LARP6: variants seen among roughly 807,000 people sequenced by gnomAD.
LARP6 encodes the protein La ribonucleoprotein 6, translational regulator, also known as la-related protein 6.
Under a neutral mutation model 32.8 loss-of-function variants are expected in LARP6, and 18 were observed. The ratio of observed to expected loss-of-function variants is 0.55; its 90% CI spans 0.38 to 0.81. The LOEUF (loss-of-function observed/expected upper bound fraction) is 0.81, where lower values mean the gene tolerates loss of function less well. Ranked by LOEUF, LARP6 falls within the 40% of genes least tolerant of loss-of-function variation. The pLI is 0.00. For synonymous variants in LARP6, 289 were observed against 267.2 expected, an observed-to-expected ratio of 1.08 and a Z score of -0.80; for missense variants, 598 against 663.1, an observed-to-expected ratio of 0.90 and a Z score of 1.08.
At chr15:70,842,007 T>C (rs2032267642) in intron 1 of LARP6, among the ~76,000 whole-genome samples, 1 of 152,116 alleles carries the variant, frequency 6.6e-6, no homozygotes, top group Non-Finnish European at 1.5e-5. Context: ...TTTCTGATTC[T>C]TCTCCCCATT....
chr15:70,851,295 TG>T (rs2032443547), intron 1 of LARP6: 1 of 234,114 alleles, frequency 4.3e-6, no homozygotes, highest in African/African-American at 2.3e-5. Flanking sequence ...ATCTAGATGA[TG>T]GGTATATGAA....
In LARP6 at chr15:70,831,915, T is replaced by G. The variant is rs2032046979; in HGVS notation, c.*137A>C. ...CGTACCGATTTATGTATATTACAGA[T>G]AGATAAATTAAGAGGTCTACATGAA... On this transcript the variant is annotated 3_prime_UTR_variant, in exon 3 of 3. Coordinates refer to ENST00000299213, the MANE Select transcript of LARP6 (RefSeq NM_018357.4). 1.7e-6 allele frequency: 1 copy of G among 593,422 alleles called. No individual in the cohort carries two copies. The highest frequency in any genetic ancestry group is 3.1e-5 in the Admixed American group (1 of 31,752). The allele number at this position is 593,422 out of a possible 1,614,324, so 36.8% of individuals were successfully genotyped here. A position where few individuals can be genotyped will look rare whatever the true frequency, so the allele number is the denominator to read the frequency against.
In LARP6 at chr15:70,831,783, A is replaced by G. The variant is rs780644124; in HGVS notation, c.*269T>C. 21 of 299,260 alleles carry G rather than the reference A, an allele frequency of 7.0e-5. 1 individual carries two copies. Among genetic ancestry groups the G allele is most frequent in the Non-Finnish European group, 1.1e-4 (18 of 163,544 alleles). The allele number at this position is 299,260 out of a possible 1,614,324, so 18.5% of individuals were successfully genotyped here. The stretch of plus-strand genomic sequence containing the variant: ...ACTTCCCCCAGGGAACCTCCGTCCT[A>G]CAGCCCTTCAGGGCCATCACACTCA... On this transcript the variant is annotated 3_prime_UTR_variant, in exon 3 of 3. Transcript: ENST00000299213.
chr15:70,849,883 T>G (rs1053507188), intron 1 of LARP6: 13 of 152,294 alleles, frequency 8.5e-5, no homozygotes, highest in Admixed American at 5.9e-4. Context: ...TTTTGCCTCT[T>G]TAGGAGAAAC....
rs529794026 is a variant in LARP6 at position 70,854,058 on chromosome 15, C to G, written c.31G>C (p.Gly11Arg). 7.2e-6 allele frequency: 10 copies of G among 1,390,460 alleles called. No homozygotes were observed. In the East Asian group the frequency reaches 9.4e-5, roughly 13 times the overall value. The allele number at this position is 1,390,460 out of a possible 1,614,324, so 86.1% of individuals were successfully genotyped here. A position where few individuals can be genotyped will look rare whatever the true frequency, so the allele number is the denominator to read the frequency against. Residue 11 changes from glycine to arginine, a missense_variant, in exon 1 of 3, where the codon GGG (glycine) becomes CGG (arginine). By Grantham distance (125) the Gly-to-Arg change is moderately radical. This residue lies in a region of LARP6 where 161 missense variants were observed against 148.6 expected (regional missense o/e 1.08). Transcript: ENST00000299213. MAQSGGEARP[G>R]PKTAVQIRVA... ...CGGATCTGCACCGCCGTCTTGGGCC[C>G]GGGCCGAGCCTCCCCGCCGGACTGG...
At chr15:70,848,332 C>A (rs772883281) in intron 1 of LARP6, among the ~76,000 whole-genome samples, 1 of 152,186 alleles carries the variant, frequency 6.6e-6, no homozygotes, top group Non-Finnish European at 1.5e-5. Context: ...AAGGGATATA[C>A]AACTAGTGGA....
intron 1 of LARP6, chr15:70,851,994 G>A (rs1567024484): frequency 1.1e-5 from 5 of 450,294 alleles, no homozygotes; most frequent in East Asian, 4.3e-5. Flanking sequence ...TGTTGACAGC[G>A]TGAACTGTTG....
intron 1 of LARP6, chr15:70,849,688 G>C (rs1423997119): frequency 1.3e-5 from 2 of 152,134 alleles, no homozygotes; most frequent in African/African-American, 2.4e-5. Flanking sequence ...CTGCAATATA[G>C]ACATTTTGAG....
At chr15:70,839,553 C>T (rs1025947142) in intron 1 of LARP6, among the ~76,000 whole-genome samples, 1 of 151,988 alleles carries the variant, frequency 6.6e-6, no homozygotes, top group African/African-American at 2.4e-5. Flanking sequence ...ACTCACCCAA[C>T]ATCCAATAAC....
rs374197950 is a variant in LARP6 at position 70,832,472 on chromosome 15, G to A, written c.1056C>T (p.Gly352=). The A allele has an allele frequency of 1.3e-6, 2 of 1,551,360 alleles. No individual in the cohort carries two copies. Among genetic ancestry groups the A allele is most frequent in the East Asian group, 2.2e-5 (1 of 44,476 alleles). ...PESNPTSPMA[G]RRHAATNKLS... Reference sequence around the variant, plus strand: ...GCTTGTTGGTGGCCGCGTGCCGTCGGCCCGCCATAGGGGATGTGGGGTTGC... The same window carrying A: ...GCTTGTTGGTGGCCGCGTGCCGTCGACCCGCCATAGGGGATGTGGGGTTGC... The change falls in exon 3 of 3, where the codon GGC becomes GGT. Residue 352 remains glycine, a synonymous_variant. Coordinates refer to ENST00000299213, the MANE Select transcript of LARP6 (RefSeq NM_018357.4).
intron 2 of LARP6, among the ~76,000 whole-genome samples, chr15:70,833,410 C>T (rs1422141296): frequency 1.3e-5 from 2 of 152,162 alleles, no homozygotes; most frequent in African/African-American, 4.8e-5. Context: ...AATTTGCAGG[C>T]TCTGGAACAA....
At chr15:70,840,165 A>C (rs1393088093) in intron 1 of LARP6, among the ~76,000 whole-genome samples, 1 of 152,238 alleles carries the variant, frequency 6.6e-6, no homozygotes, top group African/African-American at 2.4e-5. Flanking sequence ...GACAACCAAT[A>C]GGATGAAAAA....
Position 70,832,918 on chromosome 15 carries a change from G to C in LARP6, c.610C>G (p.Gln204Glu). Reference sequence around the variant, plus strand: ...TTCTCTTGCACCCTTCCATTCTTCTGGGGGGTGGCCAGAGCCCACAGCTTA... The same window carrying C: ...TTCTCTTGCACCCTTCCATTCTTCTCGGGGGTGGCCAGAGCCCACAGCTTA... ...SPKLWALATPQKNGRVQEKVM... is the reference protein window; with the variant it reads ...SPKLWALATPEKNGRVQEKVM... Residue 204 changes from glutamine to glutamate, a missense_variant, in exon 3 of 3, where the codon CAG (glutamine) becomes GAG (glutamate). Around this residue, in one of 3 missense-constraint regions of LARP6, gnomAD observed 368 missense variants for 397.9 expected, o/e 0.92. Coordinates refer to ENST00000299213, the MANE Select transcript of LARP6 (RefSeq NM_018357.4). The C allele has an allele frequency of 6.2e-7, 1 of 1,601,702 alleles. No individual in the cohort carries two copies. The highest frequency in any genetic ancestry group is 8.5e-7 in the Non-Finnish European group (1 of 1,174,544).
chr15:70,846,711 T>C (rs892666060), intron 1 of LARP6, among the ~76,000 whole-genome samples: 3 of 152,050 alleles, frequency 2.0e-5, no homozygotes, highest in African/African-American at 7.2e-5. Flanking sequence ...AGAATCTGGC[T>C]GTAACCAGCA....
rs1200090759 is a variant in LARP6, at chr15:70,829,827, G to A, written c.*2225C>T. On this transcript the variant is annotated 3_prime_UTR_variant, in exon 3 of 3. Transcript: ENST00000299213. ...TCTGTATTCACATGTAAAGGTGAGG[G>A]TGTAGGTATTTTTAAAAGTAACTAT... The A allele has an allele frequency of 1.3e-5, 2 of 152,240 alleles. No individual in the cohort carries two copies. The highest frequency in any genetic ancestry group is 2.9e-5 in the Non-Finnish European group (2 of 68,044). The allele number at this position is 152,240 out of a possible 1,614,324, so 9.4% of individuals were successfully genotyped here.
chr15:70,829,226 C>G lies in LARP6; in HGVS notation c.*2826G>C, dbSNP rs2031997926. The G allele has an allele frequency of 6.6e-6, 1 of 152,334 alleles. No homozygotes were observed. Among genetic ancestry groups the G allele is most frequent in the Non-Finnish European group, 1.5e-5 (1 of 68,170 alleles). The allele number at this position is 152,334 out of a possible 1,614,324, so 9.4% of individuals were successfully genotyped here. A position where few individuals can be genotyped will look rare whatever the true frequency, so the allele number is the denominator to read the frequency against. ...TGATCTCGGCTCACTGCAACCTCCG[C>G]CTCCCAGGTTCAAGCAATTCTCCTG... On this transcript the variant is annotated 3_prime_UTR_variant, in exon 3 of 3. Transcript: ENST00000299213.
intron 1 of LARP6, chr15:70,851,936 A>G (rs2032471947): frequency 1.7e-6 from 1 of 593,774 alleles, no homozygotes; most frequent in African/African-American, 1.9e-5. Context: ...TAGACACAAA[A>G]TAGCCCCCTA....
At chr15:70,834,544 C>A (rs953319715) in intron 2 of LARP6, among the ~76,000 whole-genome samples, 1 of 152,216 alleles carries the variant, frequency 6.6e-6, no homozygotes, top group South Asian at 2.1e-4. Context: ...TTTCCTAAGC[C>A]TGAAGCTTGA....
chr15:70,838,912 C>CACAAAAAAAAAAAAAAAA (rs10634375), intron 1 of LARP6, among the ~76,000 whole-genome samples: 1 of 102,902 alleles, frequency 9.7e-6, no homozygotes, highest in Non-Finnish European at 1.9e-5. Flanking sequence ...CTCAGCCTCA[C>CACAAAAAAAAAAAAAAAA]AAAAAAAAAA....
Sources: allele counts gnomAD v4.1 joint callset (sites outside exome capture counted in the v4.1 genomes callset), GRCh38; gene constraint gnomAD v4.1.1; regional missense constraint gnomAD v4.1.1; transcripts MANE v1.5; gene names NCBI Gene and HGNC (gene_info 2026-07-23, HGNC 2026-07-21).